GRIK2: variants seen among roughly 807,000 people sequenced by gnomAD.
The protein encoded by GRIK2 is glutamate receptor ionotropic, kainate 2.
In GRIK2, 32 loss-of-function variants were observed where a neutral mutation model predicts 100.3. The ratio of observed to expected loss-of-function variants is 0.32; its 90% CI spans 0.24 to 0.43. The LOEUF is 0.43. Among genes scored for constraint, GRIK2 ranks in the 20% least tolerant of loss-of-function variants. The pLI is 1.00. For missense variants in GRIK2, 843 were observed against 1,114.9 expected (o/e 0.76, Z 3.47); for synonymous variants, 417 against 389.4 (o/e 1.07, Z -0.83).
chr6:101,851,026 A>C (rs955062085), intron 10 of GRIK2, among the ~76,000 whole-genome samples: 2 of 152,114 alleles, frequency 1.3e-5, no homozygotes, highest in African/African-American at 4.8e-5. Context: ...ATAGGAATCA[A>C]AGCAAGAAAA....
intron 7 of GRIK2, chr6:101,744,558 A>ATATATATATATCTATC (rs751011648): frequency 4.3e-5 from 5 of 115,048 alleles, no homozygotes; most frequent in African/African-American, 1.9e-4. Context: ...ATATATATAT[A>ATATATATATATCTATC]TCACAATTTC....
chr6:101,588,500 C>T (rs1778483555), intron 2 of GRIK2, among the ~76,000 whole-genome samples: 3 of 151,854 alleles, frequency 2.0e-5, no homozygotes, highest in South Asian at 4.1e-4. Context: ...GTTGGAGTAG[C>T]AAGGCCTGGT....
chr6:101,907,102 AAAG>A (rs1345731143), intron 12 of GRIK2, among the ~76,000 whole-genome samples: 1 of 151,728 alleles, frequency 6.6e-6, no homozygotes, highest in African/African-American at 2.4e-5. Context: ...GCAGAGGTAT[AAAG>A]AAGTGTATCA....
intron 14 of GRIK2, among the ~76,000 whole-genome samples, chr6:101,950,617 C>T (rs1358781223): frequency 6.6e-6 from 1 of 152,172 alleles, no homozygotes; most frequent in African/African-American, 2.4e-5. Flanking sequence ...CCACCTGCCT[C>T]TGGAATAGGA....
chr6:101,516,255 A>T (rs1055504078), intron 2 of GRIK2, among the ~76,000 whole-genome samples: 7 of 152,094 alleles, frequency 4.6e-5, no homozygotes, highest in Admixed American at 2.6e-4. Context: ...TTTATATGGG[A>T]CCTAAAAAGA....
At chr6:101,482,660 G>T (rs1269107913) in intron 2 of GRIK2, among the ~76,000 whole-genome samples, 1 of 151,778 alleles carries the variant, frequency 6.6e-6, no homozygotes, top group African/African-American at 2.4e-5. Flanking sequence ...GAGGCACAGA[G>T]AAAAAAAGAC....
chr6:101,684,872 C>T (rs947697455), intron 6 of GRIK2, among the ~76,000 whole-genome samples: 1 of 152,008 alleles, frequency 6.6e-6, no homozygotes, highest in Non-Finnish European at 1.5e-5. Flanking sequence ...AGGTATAGGG[C>T]TGGATCCCTC....
At chr6:101,996,986 A>T (rs1326510381) in intron 14 of GRIK2, among the ~76,000 whole-genome samples, 1 of 152,092 alleles carries the variant, frequency 6.6e-6, no homozygotes, top group African/African-American at 2.4e-5. Context: ...TGCTGATAAC[A>T]TCTGTTATTT....
intron 2 of GRIK2, among the ~76,000 whole-genome samples, chr6:101,594,515 A>G (rs1415190835): frequency 1.3e-5 from 2 of 151,880 alleles, no homozygotes; most frequent in East Asian, 3.9e-4. Flanking sequence ...GGAAATATAT[A>G]GCATATGTTT....
Position 101,536,388 on chromosome 6 carries a change from T to A in GRIK2, c.116-85561T>A, listed in dbSNP as rs77880343. On this transcript the variant is annotated intron_variant, in intron 2 of 16. Coordinates refer to ENST00000369134, the MANE Select transcript of GRIK2 (RefSeq NM_021956.5). ...CTTCTAATTCACCCTATATGTTAGG[T>A]TTTATCTGAAGGAAATCTACACATT... 2.9e-3 allele frequency among the ~76,000 whole-genome samples: 437 copies of A among 150,676 alleles called. 6 individuals carry two copies. In the East Asian group the frequency reaches 0.046, roughly 16 times the overall value.
At chr6:101,646,919 C>T (rs1347323145) in intron 4 of GRIK2, among the ~76,000 whole-genome samples, 1 of 151,924 alleles carries the variant, frequency 6.6e-6, no homozygotes, top group African/African-American at 2.4e-5. Context: ...AGATATAAAA[C>T]ATGAGAGGTA....
At chr6:101,708,913 C>A (rs1029121519) in intron 7 of GRIK2, among the ~76,000 whole-genome samples, 2 of 151,702 alleles carry the variant, frequency 1.3e-5, no homozygotes, top group African/African-American at 4.8e-5. Context: ...AAGATGTAAT[C>A]ATGTCAAGAT....
At chr6:101,512,927 C>G (rs975986095) in intron 2 of GRIK2, among the ~76,000 whole-genome samples, 7 of 151,934 alleles carry the variant, frequency 4.6e-5, no homozygotes, top group Non-Finnish European at 8.8e-5. Flanking sequence ...GTGTGTAGTA[C>G]TACTACTATT....
intron 12 of GRIK2, among the ~76,000 whole-genome samples, chr6:101,899,449 A>G (rs910919080): frequency 3.3e-5 from 5 of 151,876 alleles, no homozygotes; most frequent in Non-Finnish European, 1.5e-5. Flanking sequence ...TTTCAAGCCT[A>G]TAGTTATTTT....
chr6:102,043,576 A>G (rs1033997205), intron 15 of GRIK2, among the ~76,000 whole-genome samples: 1 of 151,914 alleles, frequency 6.6e-6, no homozygotes, highest in African/African-American at 2.4e-5. Context: ...GGTTGTCGCA[A>G]ATGACAGAAT....
intron 2 of GRIK2, among the ~76,000 whole-genome samples, chr6:101,508,875 G>C (rs1250763299): frequency 1.3e-5 from 2 of 152,118 alleles, no homozygotes; most frequent in African/African-American, 2.4e-5. Flanking sequence ...GGTGTTGTAG[G>C]CTGGGCGTGG....
intron 2 of GRIK2, among the ~76,000 whole-genome samples, chr6:101,568,824 G>A (rs562233196): frequency 5.3e-5 from 8 of 151,890 alleles, no homozygotes; most frequent in Admixed American, 3.3e-4. Flanking sequence ...TTCTGATAAC[G>A]AGTCTATCCA....
At position 101,676,768 on chromosome 6, in the gene GRIK2, T is replaced by C. The variant is rs202225560; in HGVS notation, c.687T>C (p.Asp229=). 79 of 1,606,488 alleles carry C rather than the reference T, an allele frequency of 4.9e-5. No homozygotes were observed. Among genetic ancestry groups the C allele is most frequent in the East Asian group, 2.9e-4 (13 of 44,600 alleles). The part of the protein sequence containing the change: ...KRGKEFHVIF[D]CSHEMAAGIL... ...GCAAGGAGTTTCATGTAATCTTTGATTGTAGCCATGAAATGGCAGCAGGCA... is the reference window on the plus strand; with the variant it reads ...GCAAGGAGTTTCATGTAATCTTTGACTGTAGCCATGAAATGGCAGCAGGCA... Residue 229 remains aspartate, a synonymous_variant, in exon 5 of 17, where the codon GAT becomes GAC. Coordinates refer to ENST00000369134, the MANE Select transcript of GRIK2 (RefSeq NM_021956.5).
At chr6:102,046,696 C>T (rs1416190254) in intron 15 of GRIK2, among the ~76,000 whole-genome samples, 3 of 152,082 alleles carry the variant, frequency 2.0e-5, no homozygotes, top group Non-Finnish European at 4.4e-5. Flanking sequence ...ACTATTAAAA[C>T]TTTATATGGA....
Sources: gnomAD v4.1 joint callset for allele counts (sites outside exome capture counted in the v4.1 genomes callset) on GRCh38, gnomAD v4.1.1 for gene constraint, MANE v1.5 for transcripts, NCBI Gene and HGNC (gene_info 2026-07-23, HGNC 2026-07-21) for gene names.